FAT3: variants seen among roughly 807,000 people sequenced by gnomAD.
The protein encoded by FAT3 is protocadherin Fat 3.
FAT3 carries 95 observed loss-of-function variants against 310.2 expected under a neutral mutation model. The ratio of observed to expected loss-of-function variants is 0.31; its 90% CI spans 0.26 to 0.36. The LOEUF is 0.36. Among genes scored for constraint, FAT3 ranks in the 10% least tolerant of loss-of-function variants. FAT3 has a pLI of 1.00. For synonymous variants in FAT3, 2,314 were observed against 2,192.9 expected, an observed-to-expected ratio of 1.06 and a Z score of -1.54; for missense variants, 5,408 against 5,715.6, an observed-to-expected ratio of 0.95 and a Z score of 1.74.
At chr11:92,685,633 G>C (rs1262720532) in intron 3 of FAT3, among the ~76,000 whole-genome samples, 5 of 150,030 alleles carry the variant, frequency 3.3e-5, no homozygotes. Context: ...AGTTTATTTA[G>C]TCAATAGACC....
At chr11:92,760,789 CTAA>C (rs987558595) in intron 4 of FAT3, among the ~76,000 whole-genome samples, 57 of 152,256 alleles carry the variant, frequency 3.7e-4, no homozygotes, top group African/African-American at 1.1e-3. Context: ...ATCACTATGA[CTAA>C]TAAGAAAATT....
chr11:92,768,100 C>T lies in FAT3; in HGVS notation c.4195+3011C>T, dbSNP rs146564378. 4.1e-4 allele frequency among the ~76,000 whole-genome samples: 63 copies of T among 152,302 alleles called. 1 individual carries two copies. In the East Asian group the frequency reaches 0.011, roughly 27 times the overall value. On this transcript the variant is annotated intron_variant, in intron 6 of 27. Transcript: ENST00000525166. ...GGATCCATCATCAAGAACATGGCAT[C>T]AGTTTTCATGTTTCTTCATTGGTGT... is the stretch of plus-strand genomic sequence containing the variant.
intron 1 of FAT3, among the ~76,000 whole-genome samples, chr11:92,242,583 G>A (rs1864711985): frequency 6.6e-6 from 1 of 151,928 alleles, no homozygotes; most frequent in Admixed American, 6.6e-5. Context: ...ATAAATCACT[G>A]TTCTTGACCT....
At chr11:92,407,163 A>G (rs964628158) in intron 2 of FAT3, among the ~76,000 whole-genome samples, 1 of 152,214 alleles carries the variant, frequency 6.6e-6, no homozygotes, top group Non-Finnish European at 1.5e-5. Context: ...AGGAGGTACT[A>G]CAAGAGGGTA....
chr11:92,452,529 T>A (rs1951383154), intron 2 of FAT3, among the ~76,000 whole-genome samples: 1 of 152,076 alleles, frequency 6.6e-6, no homozygotes, highest in African/African-American at 2.4e-5. Flanking sequence ...TGGTAGAGAA[T>A]ATGGCAGAGA....
chr11:92,655,238 A>G (rs1438330922), intron 3 of FAT3, among the ~76,000 whole-genome samples: 1 of 151,726 alleles, frequency 6.6e-6, no homozygotes, highest in East Asian at 1.9e-4. Context: ...AATGAATGAG[A>G]TGGGTTACTT....
At chr11:92,695,221 TA>T (rs1418350376) in intron 3 of FAT3, among the ~76,000 whole-genome samples, 1 of 152,126 alleles carries the variant, frequency 6.6e-6, no homozygotes, top group Non-Finnish European at 1.5e-5. Context: ...CAGTGAAAGA[TA>T]GTGGAATTGG....
chr11:92,339,883 A>G (rs1948199160), intron 1 of FAT3, among the ~76,000 whole-genome samples: 2 of 151,988 alleles, frequency 1.3e-5, no homozygotes, highest in Non-Finnish European at 2.9e-5. Context: ...GGAGGCCAAG[A>G]TGGGCGATCA....
chr11:92,685,689 A>G (rs1189678994), intron 3 of FAT3, among the ~76,000 whole-genome samples: 1 of 151,864 alleles, frequency 6.6e-6, no homozygotes, highest in Non-Finnish European at 1.5e-5. Context: ...TGCTAAGCAC[A>G]AAAGATACAA....
chr11:92,519,971 A>T (rs1953628738), intron 2 of FAT3, among the ~76,000 whole-genome samples: 1 of 152,172 alleles, frequency 6.6e-6, no homozygotes. Flanking sequence ...TGATATAGTC[A>T]TTCTTACCCC....
intron 4 of FAT3, among the ~76,000 whole-genome samples, chr11:92,760,043 C>T (rs931574370): frequency 6.6e-6 from 1 of 152,154 alleles, no homozygotes. Context: ...GTAACATTTG[C>T]GTTCACCAGC....
At chr11:92,452,353 C>T (rs369832967) in intron 2 of FAT3, among the ~76,000 whole-genome samples, 4 of 152,140 alleles carry the variant, frequency 2.6e-5, no homozygotes, top group South Asian at 2.1e-4. Context: ...GTTGCAAAAA[C>T]GTGGATTTTA....
intron 1 of FAT3, among the ~76,000 whole-genome samples, chr11:92,310,553 A>T (rs1947270276): frequency 6.6e-6 from 1 of 152,116 alleles, no homozygotes; most frequent in Non-Finnish European, 1.5e-5. Flanking sequence ...AATTTAAGAG[A>T]TGCAAGTGTA....
intron 3 of FAT3, among the ~76,000 whole-genome samples, chr11:92,602,455 A>G (rs568185221): frequency 1.3e-5 from 2 of 152,256 alleles, no homozygotes; most frequent in South Asian, 2.1e-4. Context: ...TGATGGGGAG[A>G]CAGGAACAGA....
intron 1 of FAT3, among the ~76,000 whole-genome samples, chr11:92,227,734 C>CT (rs1221509580): frequency 1.4e-5 from 2 of 144,196 alleles, no homozygotes; most frequent in African/African-American, 5.1e-5. Flanking sequence ...ACTGCTTCTG[C>CT]TTTTTTTCTT....
intron 1 of FAT3, among the ~76,000 whole-genome samples, chr11:92,225,618 G>A (rs1263076219): frequency 6.6e-6 from 1 of 152,142 alleles, no homozygotes; most frequent in Non-Finnish European, 1.5e-5. Context: ...GATGGATGAT[G>A]CACTTAGGGG....
Position 92,297,035 on chromosome 11 carries a change from T to G in FAT3, c.-17-55061T>G, listed in dbSNP as rs114652424. 6.4e-3 allele frequency among the ~76,000 whole-genome samples: 971 copies of G among 152,222 alleles called. 15 individuals carry two copies. The highest frequency in any genetic ancestry group is 0.022 in the African/African-American group (932 of 41,544). Reference sequence around the variant, plus strand: ...GAGCTTGACTTTTAGTTATCTTGCTTCTACCTTACACTCTAGTAACAAGCA... The same window carrying G: ...GAGCTTGACTTTTAGTTATCTTGCTGCTACCTTACACTCTAGTAACAAGCA... On this transcript the variant is annotated intron_variant, in intron 1 of 27. Coordinates refer to ENST00000525166, the MANE Select transcript of FAT3 (RefSeq NM_001367949.2).
intron 3 of FAT3, among the ~76,000 whole-genome samples, chr11:92,533,506 C>T (rs185625167): frequency 2.0e-5 from 3 of 152,202 alleles, no homozygotes; most frequent in African/African-American, 4.8e-5. Context: ...TTTGGATCTT[C>T]GAGTTAACAG....
chr11:92,890,568 C>A lies in FAT3; in HGVS notation c.13225C>A (p.Gln4409Lys), dbSNP rs2136443152. 2 of 1,613,200 alleles carry A rather than the reference C, an allele frequency of 1.2e-6. No homozygotes were observed. Among genetic ancestry groups the A allele is most frequent in the African/African-American group, 1.3e-5 (1 of 74,736 alleles). Residue 4409 changes from glutamine to lysine, a missense_variant, in exon 28 of 28, where the codon CAG (glutamine) becomes AAG (lysine). By Grantham distance (53) the Gln-to-Lys change is moderately conservative. Coordinates refer to ENST00000525166, the MANE Select transcript of FAT3 (RefSeq NM_001367949.2). ...DIEEVPNYEN[Q>K]DGGSAHQGST... ...AGAGGAAGTGCCCAACTATGAGAAC[C>A]AGGATGGAGGGTCTGCACACCAGGG...
Sources: allele counts gnomAD v4.1 joint callset (sites outside exome capture counted in the v4.1 genomes callset), GRCh38; gene constraint gnomAD v4.1.1; transcripts MANE v1.5; gene names NCBI Gene and HGNC (gene_info 2026-07-23, HGNC 2026-07-21).